The following SMURF2 variants were observed in gnomAD, a reference collection of about 807,000 sequenced individuals.
SMURF2 encodes the protein SMAD specific E3 ubiquitin protein ligase 2.
SMURF2 carries 48 observed loss-of-function variants against 109.6 expected under a neutral mutation model. The ratio of observed to expected loss-of-function variants is 0.44; its 90% CI spans 0.35 to 0.56. SMURF2 has a LOEUF of 0.56. SMURF2 is among the 20% of genes least tolerant of loss of function. The pLI, the probability that SMURF2 is intolerant of heterozygous loss-of-function variation, is 0.01. For missense variants in SMURF2, 575 were observed against 909.0 expected, an observed-to-expected ratio of 0.63 and a Z score of 4.72; for synonymous variants, 288 against 317.1, an observed-to-expected ratio of 0.91 and a Z score of 0.97.
chr17:64,638,040 G>T (rs1970443648), intron 1 of SMURF2, among the ~76,000 whole-genome samples: 1 of 139,400 alleles, frequency 7.2e-6, no homozygotes, highest in African/African-American at 2.7e-5. Flanking sequence ...ACTTTCCCAT[G>T]AGTTTTTTTT....
At chr17:64,602,745 G>A (rs1475138086) in intron 2 of SMURF2, among the ~76,000 whole-genome samples, 6 of 152,058 alleles carry the variant, frequency 3.9e-5, no homozygotes, top group Non-Finnish European at 7.4e-5. Flanking sequence ...TGGCTAACAC[G>A]GTGCAACCAC....
chr17:64,636,074 T>C (rs1191117671), intron 1 of SMURF2, among the ~76,000 whole-genome samples: 2 of 152,178 alleles, frequency 1.3e-5, no homozygotes, highest in Non-Finnish European at 2.9e-5. Flanking sequence ...ATTCATGATA[T>C]TGGGCATCTT....
At chr17:64,628,400 TCTC>T (rs1970294993) in intron 1 of SMURF2, among the ~76,000 whole-genome samples, 2 of 152,148 alleles carry the variant, frequency 1.3e-5, no homozygotes, top group Non-Finnish European at 2.9e-5. Flanking sequence ...GTGAAATAAA[TCTC>T]CTTTTTGGTA....
intron 5 of SMURF2, among the ~76,000 whole-genome samples, chr17:64,588,038 A>T (rs1375629812): frequency 6.6e-6 from 1 of 151,064 alleles, no homozygotes; most frequent in Non-Finnish European, 1.5e-5. Context: ...GCCTTAATGC[A>T]AAGTAGGAAA....
rs1208455785 is a variant in SMURF2, at chr17:64,588,607, TTTTG to T, written c.401-2441_401-2438del. Among the ~76,000 whole-genome samples, 37 of 151,952 alleles carry T rather than the reference TTTTG, an allele frequency of 2.4e-4. 1 individual carries two copies. Among genetic ancestry groups the T allele is most frequent in the African/African-American group, 8.2e-4 (34 of 41,380 alleles). ...AAATACTAGAGGGGAATACAGTTTTTTTTGTTTGTTTTTTGTTTTTTTGTTTTTT... is the reference window on the plus strand; with the variant it reads ...AAATACTAGAGGGGAATACAGTTTTTTTTGTTTTTTGTTTTTTTGTTTTTT... On this transcript the variant is annotated intron_variant, in intron 5 of 18. Transcript: ENST00000262435.
In SMURF2 at chr17:64,583,786, T is replaced by C. The variant is rs73993987; in HGVS notation, c.486-242A>G. Among the ~76,000 whole-genome samples the C allele has an allele frequency of 5.7e-3, 874 of 152,302 alleles. 4 individuals are homozygous for C. Among genetic ancestry groups the C allele is most frequent in the African/African-American group, 0.02 (835 of 41,562 alleles). On this transcript the variant is annotated intron_variant, in intron 6 of 18. Transcript: ENST00000262435. ...TTTTCCATCAGCCAAACTCTGAGAA[T>C]TTTTAATAATGTCAACAATACACAA...
chr17:64,550,510 T>C (rs1369454043), intron 16 of SMURF2, among the ~76,000 whole-genome samples: 3 of 152,176 alleles, frequency 2.0e-5, no homozygotes, highest in African/African-American at 7.2e-5. Flanking sequence ...CCAGGTGCGG[T>C]GGCTCACACC....
chr17:64,617,815 C>T (rs1555690243), intron 1 of SMURF2, among the ~76,000 whole-genome samples: 1 of 152,136 alleles, frequency 6.6e-6, no homozygotes, highest in Non-Finnish European at 1.5e-5. Flanking sequence ...TCATATCAAA[C>T]AACTTTTAAG....
At chr17:64,583,575 T>A (rs782041578) in intron 6 of SMURF2, 31 bp from the exon 7 acceptor site, 2 of 1,565,994 alleles carry the variant, frequency 1.3e-6, no homozygotes, top group East Asian at 4.5e-5. Flanking sequence ...GATAAGGCAT[T>A]AATAGGAAAC....
At chr17:64,551,010 T>A (rs2144588663) in intron 16 of SMURF2, among the ~76,000 whole-genome samples, 1 of 151,994 alleles carries the variant, frequency 6.6e-6, no homozygotes, top group Admixed American at 6.6e-5. Flanking sequence ...CGAAATCTGT[T>A]TAAAACAAGA....
chr17:64,591,330 CA>C (rs553188202), intron 4 of SMURF2, among the ~76,000 whole-genome samples, 181 bp from the exon 5 acceptor site: 147 of 152,262 alleles, frequency 9.7e-4, no homozygotes, highest in Non-Finnish European at 1.4e-3. Context: ...ACTTTCTCTC[CA>C]AAACTTTTAG....
chr17:64,591,494 T>C (rs1478510297), intron 4 of SMURF2, among the ~76,000 whole-genome samples: 5 of 152,194 alleles, frequency 3.3e-5, no homozygotes, highest in Admixed American at 3.3e-4. Context: ...GCCTGGCACA[T>C]AAGTGGTCAA....
Position 64,559,643 on chromosome 17 carries a change from C to T in SMURF2, c.1316+1857G>A, listed in dbSNP as rs193259201. Among the ~76,000 whole-genome samples, 1,379 of 151,570 alleles carry T rather than the reference C, an allele frequency of 9.1e-3. 17 individuals are homozygous for T. Among genetic ancestry groups the T allele is most frequent in the African/African-American group, 0.032 (1,320 of 41,290 alleles). On this transcript the variant is annotated intron_variant, in intron 12 of 18. Coordinates refer to ENST00000262435, the MANE Select transcript of SMURF2 (RefSeq NM_022739.4). Reference sequence around the variant, plus strand: ...ACTACGAGCCAGGCATGGTGGCTCGCGCCTGTAATTCCAGCACTTAGGGAG... The same window carrying T: ...ACTACGAGCCAGGCATGGTGGCTCGTGCCTGTAATTCCAGCACTTAGGGAG...
intron 2 of SMURF2, among the ~76,000 whole-genome samples, chr17:64,603,470 T>A (rs1969925442): frequency 6.6e-6 from 1 of 151,358 alleles, no homozygotes; most frequent in Non-Finnish European, 1.5e-5. Flanking sequence ...TAATCCCAGC[T>A]ACTCGGGAGG....
At chr17:64,566,476 C>A (rs939216151) in intron 10 of SMURF2, among the ~76,000 whole-genome samples, 13 of 149,198 alleles carry the variant, frequency 8.7e-5, no homozygotes, top group African/African-American at 3.2e-4. Flanking sequence ...GAACTAGTAG[C>A]TGGAGTTGTG....
Position 64,593,517 on chromosome 17 carries a change from T to TG in SMURF2, c.256dup (p.His86ProfsTer2). On this transcript the variant is annotated frameshift_variant, in exon 4 of 19. Coordinates refer to ENST00000262435, the MANE Select transcript of SMURF2 (RefSeq NM_022739.4). LOFTEE classifies it high-confidence loss of function. ...GAGAAATCCAGCACCTTGTTTCTTA[T>TG]GGATCTTCTTGTGATTCCATACACT... 6.2e-7 allele frequency: 1 copy of TG among 1,608,640 alleles called. No individual in the cohort carries two copies. Among genetic ancestry groups the TG allele is most frequent in the Non-Finnish European group, 8.5e-7 (1 of 1,176,662 alleles).
intron 2 of SMURF2, 143 bp from the exon 3 acceptor site, chr17:64,598,633 T>A (rs1268715433): frequency 2.8e-4 from 166 of 592,160 alleles, no homozygotes; most frequent in East Asian, 1.3e-3. Context: ...GTCCATTTTT[T>A]AAAAAAAAAG....
chr17:64,547,709 T>C lies in SMURF2; in HGVS notation c.1962A>G (p.Lys654=). 5 of 1,614,220 alleles carry C rather than the reference T, an allele frequency of 3.1e-6. No homozygotes were observed. The highest frequency in any genetic ancestry group is 4.2e-6 in the Non-Finnish European group (5 of 1,180,036). The change falls in exon 17 of 19, where the codon AAA becomes AAG. Residue 654 remains lysine (K), a synonymous_variant. Coordinates refer to ENST00000262435, the MANE Select transcript of SMURF2 (RefSeq NM_022739.4). The surrounding 1 kb of genome is among the most constrained non-coding windows in gnomAD (Gnocchi z 4.2). ...AAAACTCCACAGCTTTCCAGAACCA[T>C]TTGACAATGTTGCTGTCTGGTGTAC... ...KHCTPDSNIV[K]WFWKAVEFFD... is the part of the protein sequence containing the mutation.
chr17:64,640,326 A>G (rs1408915910), intron 1 of SMURF2, among the ~76,000 whole-genome samples: 14 of 152,200 alleles, frequency 9.2e-5, no homozygotes, highest in Admixed American at 9.2e-4. Context: ...AAATAAGAAG[A>G]AACAAGAGAA....
Sources: gnomAD v4.1 joint callset for allele counts (sites outside exome capture counted in the v4.1 genomes callset) on GRCh38, gnomAD v4.1.1 for gene constraint, Gnocchi (gnomAD v3.1) non-coding constraint, MANE v1.5 for transcripts, NCBI Gene and HGNC (gene_info 2026-07-23, HGNC 2026-07-21) for gene names.